RNPEPL1: variants seen among roughly 807,000 people sequenced by gnomAD.
The protein encoded by RNPEPL1 is arginyl aminopeptidase like 1.
RNPEPL1 carries 46 observed loss-of-function variants against 69.0 expected under a neutral mutation model. The ratio of observed to expected loss-of-function variants is 0.67; its 90% CI spans 0.53 to 0.85. RNPEPL1 has a LOEUF of 0.85. Ranked by LOEUF, RNPEPL1 falls within the 40% of genes least tolerant of loss-of-function variation. RNPEPL1 has a pLI of 0.00. For synonymous variants in RNPEPL1, 525 were observed against 454.1 expected, an observed-to-expected ratio of 1.16 and a Z score of -1.98; for missense variants, 869 against 992.5, an observed-to-expected ratio of 0.88 and a Z score of 1.67.
In RNPEPL1 at chr2:240,578,020, GCTCT is replaced by G; in HGVS notation, c.*130_*133del. The G allele has an allele frequency of 3.2e-6, 3 of 944,784 alleles. No homozygotes were observed. The highest frequency in any genetic ancestry group is 4.4e-6 in the Non-Finnish European group (3 of 679,510). The allele number at this position is 944,784 out of a possible 1,614,324, so 58.5% of individuals were successfully genotyped here. A position where few individuals can be genotyped will look rare whatever the true frequency, so the allele number is the denominator to read the frequency against. Reference sequence around the variant, plus strand: ...CCAGGCCCACAAGCCCCTCCCCTGGGCTCTCCCAGGCAGGGAGAATGGGGAGAGG... The same window carrying G: ...CCAGGCCCACAAGCCCCTCCCCTGGGCCCAGGCAGGGAGAATGGGGAGAGG... On this transcript the variant is annotated 3_prime_UTR_variant, in exon 11 of 11. Coordinates refer to ENST00000270357, the MANE Select transcript of RNPEPL1 (RefSeq NM_018226.6).
At position 240,576,740 on chromosome 2, in the gene RNPEPL1, C is replaced by A; in HGVS notation, c.1716C>A (p.Leu572=). ...AGACAGCACTCTTCCTGGACCGGCT[C>A]CTGGATGGGTCCCCGCTGCCGCAGG... ...TFQTALFLDR[L]LDGSPLPQEV... is the part of the protein sequence containing the mutation. Residue 572 remains leucine, a synonymous_variant, in exon 9 of 11, where the codon CTC becomes CTA. Coordinates refer to ENST00000270357, the MANE Select transcript of RNPEPL1 (RefSeq NM_018226.6). 6.2e-7 allele frequency: 1 copy of A among 1,612,900 alleles called. No individual in the cohort carries two copies.
At chr2:240,569,280 G>C (rs2093014469) in intron 1 of RNPEPL1, 166 bp downstream of exon 1, 1 of 753,160 alleles carries the variant, frequency 1.3e-6, no homozygotes, top group South Asian at 2.4e-5. Context: ...TAGGACCCTC[G>C]GATAGAAGCC....
chr2:240,577,688 G>A lies in RNPEPL1; in HGVS notation c.1974G>A (p.Gln658=), dbSNP rs748842982. ...CGCTGGAGGTCTTCTACCAGACGCA[G>A]GGCCGGCTGCACCCCAACCTGCGCA... ...SFALEVFYQT[Q]GRLHPNLRRA... is the part of the protein sequence containing the mutation. The change falls in exon 11 of 11, where the codon CAG becomes CAA. Residue 658 remains glutamine, a synonymous_variant. Transcript: ENST00000270357. 1.3e-5 allele frequency: 21 copies of A among 1,612,664 alleles called. 1 individual carries two copies. In the East Asian group the frequency reaches 2.5e-4, roughly 19 times the overall value.
chr2:240,576,822 G>T (rs748968162), intron 9 of RNPEPL1, 26 bp from the exon 10 acceptor site: 10 of 1,612,812 alleles, frequency 6.2e-6, no homozygotes, highest in Non-Finnish European at 8.5e-6. Flanking sequence ...CAGCGGCCCA[G>T]CCCTGACCTG....
chr2:240,575,534 G>A lies in RNPEPL1; in HGVS notation c.1434G>A (p.Val478=). 6.2e-7 allele frequency: 1 copy of A among 1,613,584 alleles called. No homozygotes were observed. The change falls in exon 8 of 11, where the codon GTG becomes GTA. Residue 478 remains valine, a synonymous_variant. Coordinates refer to ENST00000270357, the MANE Select transcript of RNPEPL1 (RefSeq NM_018226.6). ...AYVEKYKFTS[V]VAQDLLDSFL... ...TGGAGAAGTACAAGTTCACCAGCGT[G>A]GTGGCCCAGGACCTGCTGGACTCCT...
chr2:240,571,730 T>A (rs2093022113), intron 1 of RNPEPL1, among the ~76,000 whole-genome samples: 1 of 151,678 alleles, frequency 6.6e-6, no homozygotes, highest in African/African-American at 2.4e-5. Flanking sequence ...GCAGCTGCTG[T>A]GAGCGCACCC....
Position 240,577,666 on chromosome 2 carries a change from T to G in RNPEPL1, c.1952T>G (p.Leu651Arg). 1.2e-6 allele frequency: 2 copies of G among 1,612,632 alleles called. No homozygotes were observed. Among genetic ancestry groups the G allele is most frequent in the Non-Finnish European group, 1.7e-6 (2 of 1,179,496 alleles). ...LCTGALKSFALEVFYQTQGRL... is the reference protein window; with the variant it reads ...LCTGALKSFAREVFYQTQGRL... ...ACCGGTGCCCTCAAGTCCTTCGCGC[T>G]GGAGGTCTTCTACCAGACGCAGGGC... The change falls in exon 11 of 11, where the codon CTG (leucine) becomes CGG (arginine). Residue 651 changes from leucine to arginine, a missense_variant. By Grantham distance (102) the Leu-to-Arg change is moderately radical (BLOSUM62 -2). Coordinates refer to ENST00000270357, the MANE Select transcript of RNPEPL1 (RefSeq NM_018226.6).
Position 240,569,048 on chromosome 2 carries a change from G to C in RNPEPL1, c.462G>C (p.Pro154=). ...GCTCCTCGCTCACCGTCACGCTGCC[G>C]CCCGAGCTGCAGGCGCACCAGCCCT... The part of the protein sequence containing the change: ...DYGSSLTVTL[P]PELQAHQPFQ... Residue 154 remains proline (P), a synonymous_variant, in exon 1 of 11, where the codon CCG becomes CCC. Transcript: ENST00000270357. The C allele has an allele frequency of 2.6e-6, 4 of 1,510,664 alleles. No individual in the cohort carries two copies. Among genetic ancestry groups the C allele is most frequent in the Admixed American group, 2.0e-5 (1 of 49,036 alleles). The allele number at this position is 1,510,664 out of a possible 1,614,324, so 93.6% of individuals were successfully genotyped here.
Position 240,569,029 on chromosome 2 carries a change from C to T in RNPEPL1, c.443C>T (p.Ser148Leu). The change falls in exon 1 of 11, where the codon TCG becomes TTG. Residue 148 changes from serine (S) to leucine (L), a missense_variant. Ser to Leu is a moderately radical substitution (Grantham distance 145). Coordinates refer to ENST00000270357, the MANE Select transcript of RNPEPL1 (RefSeq NM_018226.6). ...GACCCGTTCACCGACTACGGCTCCT[C>T]GCTCACCGTCACGCTGCCGCCCGAG... Reference protein sequence around the residue: ...RVDPFTDYGSSLTVTLPPELQ... With the variant: ...RVDPFTDYGSLLTVTLPPELQ... The T allele has an allele frequency of 3.3e-6, 5 of 1,511,510 alleles. No homozygotes were observed. The highest frequency in any genetic ancestry group is 2.2e-4 in the Middle Eastern group (1 of 4,582). 93.6% of individuals were successfully genotyped at this position (1,511,510 alleles called of 1,614,324 possible). A position where few individuals can be genotyped will look rare whatever the true frequency, so the allele number is the denominator to read the frequency against.
chr2:240,572,710 T>A, intron 2 of RNPEPL1, 147 bp downstream of exon 2: 1 of 1,049,526 alleles, frequency 9.5e-7, no homozygotes, highest in Non-Finnish European at 1.4e-6. Flanking sequence ...CTCCCTACTC[T>A]ATGGGAGGAG....
Position 240,572,722 on chromosome 2 carries a change from C to T in RNPEPL1, c.669+159C>T, listed in dbSNP as rs1019051172. ...ACCCTCCCTACTCTATGGGAGGAGC[C>T]GCTTTGCAGGGAACGGGGGAAGCCG... On this transcript the variant is annotated intron_variant, in intron 2 of 10. Coordinates refer to ENST00000270357, the MANE Select transcript of RNPEPL1 (RefSeq NM_018226.6). Among the ~76,000 whole-genome samples, 16 of 152,288 alleles carry T rather than the reference C, an allele frequency of 1.1e-4. 1 individual carries two copies. The highest frequency in any genetic ancestry group is 2.0e-4 in the Admixed American group (3 of 15,306).
Position 240,575,248 on chromosome 2 carries a change from G to A in RNPEPL1, c.1401+106G>A, listed in dbSNP as rs532703999. The A allele has an allele frequency of 9.1e-3, 8,638 of 944,376 alleles. 74 individuals carry two copies. Among genetic ancestry groups the A allele is most frequent in the Middle Eastern group, 0.014 (65 of 4,574 alleles). The allele number at this position is 944,376 out of a possible 1,614,324, so 58.5% of individuals were successfully genotyped here. The stretch of plus-strand genomic sequence containing the variant: ...CGGCAGTTGGGGTGGAACTGGCAGG[G>A]GCCTGTGAGCCTGGCTGGGACCTAG... On this transcript the variant is annotated intron_variant, in intron 7 of 10. Transcript: ENST00000270357.
In RNPEPL1 at chr2:240,568,911, C is replaced by T; in HGVS notation, c.325C>T (p.Pro109Ser). ...GCCCTGCGCCTTCGCCTTCTCCGCC[C>T]CCGGGCCGGGGCCCGCGCCGCCGCC... ...ETPCAFAFSAPGPGPAPPPPL... is the reference protein window; with the variant it reads ...ETPCAFAFSASGPGPAPPPPL... Residue 109 changes from proline (P) to serine (S), a missense_variant, in exon 1 of 11, where the codon CCC (proline) becomes TCC (serine). Around this residue, in one of 2 missense-constraint regions of RNPEPL1, gnomAD observed 259 missense variants for 201.5 expected, o/e 1.29. Coordinates refer to ENST00000270357, the MANE Select transcript of RNPEPL1 (RefSeq NM_018226.6). This position sits in a 1 kb window ranked among gnomAD's most constrained non-coding sequence, Gnocchi z 6.2. 1 of 1,286,174 alleles carries T rather than the reference C, an allele frequency of 7.8e-7. No individual in the cohort carries two copies. The highest frequency in any genetic ancestry group is 9.8e-7 in the Non-Finnish European group (1 of 1,022,778). The allele number at this position is 1,286,174 out of a possible 1,614,324, so 79.7% of individuals were successfully genotyped here.
At chr2:240,569,470 C>T (rs1246209789) in intron 1 of RNPEPL1, among the ~76,000 whole-genome samples, 1 of 152,204 alleles carries the variant, frequency 6.6e-6, no homozygotes, top group Non-Finnish European at 1.5e-5. Context: ...GTGACCAGTG[C>T]GTGCAGATGA....
chr2:240,570,186 C>T (rs901185707), intron 1 of RNPEPL1, among the ~76,000 whole-genome samples: 1 of 152,226 alleles, frequency 6.6e-6, no homozygotes, highest in African/African-American at 2.4e-5. Flanking sequence ...GTGTTTGGAG[C>T]CCACGTGTCT....
intron 8 of RNPEPL1, 85 bp from the exon 9 acceptor site, chr2:240,576,450 C>T (rs1457408711): frequency 7.6e-7 from 1 of 1,311,150 alleles, no homozygotes; most frequent in Non-Finnish European, 1.0e-6. Context: ...GGAACACACT[C>T]AGGGTCTGGG....
chr2:240,572,259 G>A (rs2093023839), intron 1 of RNPEPL1, among the ~76,000 whole-genome samples, 164 bp from the exon 2 acceptor site: 1 of 152,212 alleles, frequency 6.6e-6, no homozygotes, highest in South Asian at 2.1e-4. Context: ...GCCCAGGCAG[G>A]CAAGTGAAGG....
At chr2:240,570,073 C>T (rs1307386999) in intron 1 of RNPEPL1, among the ~76,000 whole-genome samples, 1 of 152,244 alleles carries the variant, frequency 6.6e-6, no homozygotes, top group African/African-American at 2.4e-5. Flanking sequence ...GGCTAGCCGG[C>T]CCCGCCCCTG....
At position 240,573,645 on chromosome 2, in the gene RNPEPL1, T is replaced by C. The variant is rs2093029058; in HGVS notation, c.822-130T>C. 5 of 765,572 alleles carry C rather than the reference T, an allele frequency of 6.5e-6. No homozygotes were observed. The South Asian group carries it at 9.2e-5, about 14-fold the overall frequency. The allele number at this position is 765,572 out of a possible 1,614,324, so 47.4% of individuals were successfully genotyped here. On this transcript the variant is annotated intron_variant, in intron 3 of 10. Coordinates refer to ENST00000270357, the MANE Select transcript of RNPEPL1 (RefSeq NM_018226.6). Reference sequence around the variant, plus strand: ...CCATCCAGTGAGGCAGGGCGGGCTGTAGGCTGGGGTGGTCAGCCAGGCTGG... The same window carrying C: ...CCATCCAGTGAGGCAGGGCGGGCTGCAGGCTGGGGTGGTCAGCCAGGCTGG...
Sources: gnomAD v4.1 joint callset for allele counts (sites outside exome capture counted in the v4.1 genomes callset) on GRCh38, gnomAD v4.1.1 for gene constraint, gnomAD v4.1.1 regional missense constraint, Gnocchi (gnomAD v3.1) non-coding constraint, MANE v1.5 for transcripts, NCBI Gene and HGNC (gene_info 2026-07-23, HGNC 2026-07-21) for gene names.